The following CDH9 variants were observed in gnomAD, a reference collection of about 807,000 sequenced individuals.
The protein encoded by CDH9 is cadherin-9.
Under a neutral mutation model 70.9 loss-of-function variants are expected in CDH9, and 28 were observed. The ratio of observed to expected loss-of-function variants is 0.40; its 90% CI spans 0.29 to 0.54. CDH9 has a LOEUF of 0.54. Ranked by LOEUF, CDH9 falls within the 20% of genes least tolerant of loss-of-function variation. The probability of loss-of-function intolerance (pLI) is 0.59; values close to 1 mark genes in which losing one functional copy is unlikely to be tolerated. For missense variants in CDH9, 874 were observed against 984.4 expected, an observed-to-expected ratio of 0.89 and a Z score of 1.50; for synonymous variants, 409 against 343.1, an observed-to-expected ratio of 1.19 and a Z score of -2.12.
chr5:26,943,776 T>C (rs1323338859), intron 2 of CDH9, among the ~76,000 whole-genome samples: 2 of 152,156 alleles, frequency 1.3e-5, no homozygotes, highest in African/African-American at 4.8e-5. Flanking sequence ...CTAAAACATA[T>C]GCCTCCAAGA....
rs538608404 is a variant in CDH9 at position 27,017,074 on chromosome 5, ATTC to A, written c.-50+21386_-50+21388del. On this transcript the variant is annotated intron_variant, in intron 1 of 11. Coordinates refer to ENST00000231021, the MANE Select transcript of CDH9 (RefSeq NM_016279.4). ...TCTATTCTTTCTATGTGTTCCTTCT[ATTC>A]TTCTTCATTGTTTGTTTTGTTGTTG... Among the ~76,000 whole-genome samples the A allele has an allele frequency of 4.4e-4, 67 of 151,974 alleles. 1 individual carries two copies. The South Asian group carries it at 7.5e-3, about 17-fold the overall frequency.
At chr5:26,968,426 T>C (rs923189483) in intron 2 of CDH9, among the ~76,000 whole-genome samples, 6 of 151,918 alleles carry the variant, frequency 3.9e-5, no homozygotes, top group African/African-American at 1.2e-4. Flanking sequence ...GCTGGGACTA[T>C]AGGAGCGCAT....
chr5:27,027,589 C>T (rs1024425496), intron 1 of CDH9, among the ~76,000 whole-genome samples: 2 of 152,044 alleles, frequency 1.3e-5, no homozygotes, highest in Non-Finnish European at 2.9e-5. Flanking sequence ...CAAACTCACA[C>T]ATGAAGTATA....
chr5:26,914,338 C>T (rs546005015), intron 3 of CDH9, among the ~76,000 whole-genome samples: 1 of 151,470 alleles, frequency 6.6e-6, no homozygotes, highest in Admixed American at 6.6e-5. Context: ...ACATATAAAC[C>T]CATTAAAAAA....
chr5:26,904,178 C>T (rs80006629), intron 5 of CDH9, among the ~76,000 whole-genome samples: 1 of 139,420 alleles, frequency 7.2e-6, no homozygotes, highest in African/African-American at 2.5e-5. Context: ...GGTCATCACA[C>T]TTTTTTTTTT....
At chr5:26,899,833 G>A (rs534790019) in intron 7 of CDH9, among the ~76,000 whole-genome samples, 121 of 150,358 alleles carry the variant, frequency 8.0e-4, no homozygotes, top group African/African-American at 2.7e-3. Context: ...CAAACCTGCC[G>A]GTTAAACACA....
At chr5:26,991,488 G>A (rs1742578132) in intron 1 of CDH9, among the ~76,000 whole-genome samples, 1 of 152,090 alleles carries the variant, frequency 6.6e-6, no homozygotes, top group Non-Finnish European at 1.5e-5. Flanking sequence ...CTACAGAATC[G>A]TAATGAAGCT....
At chr5:26,959,759 C>T (rs1430703669) in intron 2 of CDH9, among the ~76,000 whole-genome samples, 1 of 151,924 alleles carries the variant, frequency 6.6e-6, no homozygotes, top group Non-Finnish European at 1.5e-5. Flanking sequence ...CAAAAGGTCA[C>T]CTAATGTATG....
chr5:27,032,648 G>T (rs542459073), intron 1 of CDH9, among the ~76,000 whole-genome samples: 3 of 151,534 alleles, frequency 2.0e-5, no homozygotes, highest in Admixed American at 1.3e-4. Flanking sequence ...TAGAAGGAGT[G>T]GTAGTAATAA....
At chr5:26,939,365 C>T (rs1442535887) in intron 2 of CDH9, among the ~76,000 whole-genome samples, 2 of 151,656 alleles carry the variant, frequency 1.3e-5, no homozygotes, top group African/African-American at 4.8e-5. Context: ...AAGGTAATCT[C>T]ATTTCACAAA....
At chr5:26,966,972 G>GC (rs1319346301) in intron 2 of CDH9, among the ~76,000 whole-genome samples, 2 of 151,910 alleles carry the variant, frequency 1.3e-5, no homozygotes, top group Non-Finnish European at 2.9e-5. Context: ...TCACTCTGTT[G>GC]CCCAGGCTGG....
At chr5:26,915,054 G>C (rs991913255) in intron 3 of CDH9, among the ~76,000 whole-genome samples, 1 of 151,938 alleles carries the variant, frequency 6.6e-6, no homozygotes, top group East Asian at 1.9e-4. Context: ...GTGGTAGAAT[G>C]TGCACAAAAA....
intron 2 of CDH9, among the ~76,000 whole-genome samples, chr5:26,925,965 A>C (rs1043573106): frequency 6.6e-6 from 1 of 152,152 alleles, no homozygotes; most frequent in Non-Finnish European, 1.5e-5. Context: ...GCTATTTATG[A>C]CACACCCACA....
At chr5:27,010,215 G>A (rs1274520829) in intron 1 of CDH9, among the ~76,000 whole-genome samples, 11 of 152,026 alleles carry the variant, frequency 7.2e-5, no homozygotes. Context: ...TCTTTGAACA[G>A]CACTTATATC....
intron 2 of CDH9, among the ~76,000 whole-genome samples, chr5:26,976,081 T>G (rs1209518501): frequency 6.6e-6 from 1 of 152,094 alleles, no homozygotes; most frequent in Non-Finnish European, 1.5e-5. Context: ...GCAAGAAATC[T>G]AAGGAAATAA....
intron 1 of CDH9, among the ~76,000 whole-genome samples, chr5:26,989,693 G>A (rs1742548970): frequency 6.6e-6 from 1 of 152,062 alleles, no homozygotes; most frequent in Admixed American, 6.6e-5. Flanking sequence ...TCCTGGGAAT[G>A]GACTCTGATT....
chr5:26,957,598 G>A (rs1741968326), intron 2 of CDH9, among the ~76,000 whole-genome samples: 1 of 152,028 alleles, frequency 6.6e-6, no homozygotes, highest in African/African-American at 2.4e-5. Flanking sequence ...GGAGGTGGAG[G>A]TTGCAGTGAG....
chr5:26,897,147 T>C (rs1226227588), intron 7 of CDH9, among the ~76,000 whole-genome samples: 1 of 151,714 alleles, frequency 6.6e-6, no homozygotes, highest in Admixed American at 6.6e-5. Flanking sequence ...AATAGACCAA[T>C]AACAAATTCT....
At chr5:26,925,371 C>T (rs894983152) in intron 2 of CDH9, among the ~76,000 whole-genome samples, 6 of 152,012 alleles carry the variant, frequency 3.9e-5, no homozygotes, top group African/African-American at 1.2e-4. Flanking sequence ...CTGTTCATAT[C>T]CTTTGCCCAC....
Sources: allele counts gnomAD v4.1 joint callset (sites outside exome capture counted in the v4.1 genomes callset), GRCh38; gene constraint gnomAD v4.1.1; transcripts MANE v1.5; gene names NCBI Gene and HGNC (gene_info 2026-07-23, HGNC 2026-07-21).